The following ENKUR variants were observed in gnomAD, a reference collection of about 807,000 sequenced individuals.
The protein encoded by ENKUR is enkurin.
ENKUR carries 19 observed loss-of-function variants against 27.6 expected under a neutral mutation model. That is an observed-to-expected ratio of 0.69 (90% CI 0.48 to 1.01). The LOEUF (loss-of-function observed/expected upper bound fraction) is 1.01, where lower values mean the gene tolerates loss of function less well. Ranked by LOEUF, ENKUR falls within the 50% of genes least tolerant of loss-of-function variation. ENKUR has a pLI of 0.00. For synonymous variants in ENKUR, 117 were observed against 96.9 expected, an observed-to-expected ratio of 1.21 and a Z score of -1.22; for missense variants, 312 against 310.5, an observed-to-expected ratio of 1.00 and a Z score of -0.04.
At chr10:24,994,225 C>G (rs1307299514) in intron 3 of ENKUR, among the ~76,000 whole-genome samples, 1 of 151,076 alleles carries the variant, frequency 6.6e-6, no homozygotes, top group Non-Finnish European at 1.5e-5. Context: ...TTCTTTATCT[C>G]TCTTCCTTTT....
intron 2 of ENKUR, among the ~76,000 whole-genome samples, chr10:25,039,892 T>G (rs1271449053): frequency 4.0e-5 from 6 of 149,994 alleles, no homozygotes; most frequent in Non-Finnish European, 7.4e-5. Flanking sequence ...GGCACATGTA[T>G]ACATATGTAA....
At chr10:25,023,656 C>A (rs201614269) in intron 2 of ENKUR, 6 of 1,613,966 alleles carry the variant, frequency 3.7e-6, no homozygotes, top group Non-Finnish European at 3.4e-6. Context: ...CATGTGGCAT[C>A]TGAAGAAAAA....
intron 2 of ENKUR, chr10:25,025,314 A>G (rs750821406): frequency 1.2e-6 from 2 of 1,614,254 alleles, no homozygotes; most frequent in Admixed American, 1.7e-5. Context: ...TGCTGGGTTC[A>G]TACAATGCAT....
rs992517351 is a variant in ENKUR, at chr10:24,995,659, T to C, written c.434A>G (p.Tyr145Cys). The change falls in exon 3 of 6, where the codon TAC becomes TGC. Residue 145 changes from tyrosine (Y) to cysteine (C), a missense_variant. Tyr to Cys is a radical substitution (Grantham distance 194). Transcript: ENST00000331161. ...DLEPSGLVPK[Y>C]INKKDYGVTP... ...CCACAAGGCTACCTTTTTATTGATG[T>C]ACTTTGGAACTAGTCCTGAAGGCTC... 1 of 1,610,436 alleles carries C rather than the reference T, an allele frequency of 6.2e-7. No homozygotes were observed.
At position 25,023,742 on chromosome 10, in the gene ENKUR, T is replaced by C. The variant is rs116037906; in HGVS notation, c.38-27873A>G. ...TAAAATTAATGAAGACAGATAGGAT[T>C]GTAGGTCAGAATTCTGGAACATCTA... On this transcript the variant is annotated intron_variant, in intron 2 of 5. Transcript: ENST00000615958. The C allele has an allele frequency of 9.8e-5, 158 of 1,613,952 alleles. No homozygotes were observed. In the African/African-American group the frequency reaches 1.9e-3, roughly 19 times the overall value.
chr10:25,038,513 A>G (rs1202629618), intron 2 of ENKUR, among the ~76,000 whole-genome samples: 2 of 152,222 alleles, frequency 1.3e-5, no homozygotes, highest in African/African-American at 4.8e-5. Flanking sequence ...TATAAAATTG[A>G]TATATGCCCT....
chr10:25,049,136 A>G (rs1177652439), intron 2 of ENKUR, among the ~76,000 whole-genome samples: 1 of 152,186 alleles, frequency 6.6e-6, no homozygotes, highest in African/African-American at 2.4e-5. Flanking sequence ...GAAGATGATA[A>G]CATATCCTTC....
chr10:24,995,627 T>G lies in ENKUR; in HGVS notation c.447+19A>C. On this transcript the variant is annotated intron_variant, in intron 3 of 5. Transcript: ENST00000331161. The stretch of plus-strand genomic sequence containing the variant: ...ATTATTTGAATTTCAGCCCTCTTAT[T>G]AATATACCACAAGGCTACCTTTTTA... 1 of 1,589,416 alleles carries G rather than the reference T, an allele frequency of 6.3e-7. No homozygotes were observed. Among genetic ancestry groups the G allele is most frequent in the East Asian group, 2.2e-5 (1 of 44,674 alleles).
At chr10:25,051,486 G>A (rs895410282) in intron 2 of ENKUR, among the ~76,000 whole-genome samples, 4 of 152,180 alleles carry the variant, frequency 2.6e-5, no homozygotes, top group Non-Finnish European at 5.9e-5. Context: ...GCCTCTGGAA[G>A]CTTATAATCA....
chr10:24,990,153 A>G (rs1299771192), intron 4 of ENKUR, among the ~76,000 whole-genome samples: 3 of 152,220 alleles, frequency 2.0e-5, no homozygotes, highest in Admixed American at 6.5e-5. Context: ...AATGAAAATA[A>G]AAATGCTTTA....
chr10:24,984,701 A>C, intron 5 of ENKUR, 35 bp downstream of exon 5: 1 of 1,549,454 alleles, frequency 6.5e-7, no homozygotes. Context: ...TTTCCCCTAC[A>C]TTGAAATTGT....
At chr10:25,048,271 C>T (rs1200734978) in intron 2 of ENKUR, among the ~76,000 whole-genome samples, 2 of 151,936 alleles carry the variant, frequency 1.3e-5, no homozygotes, top group Non-Finnish European at 2.9e-5. Context: ...AGTGGGAAAA[C>T]AAGAAAACCT....
At chr10:25,010,599 C>A (rs1430998756) in intron 1 of ENKUR, among the ~76,000 whole-genome samples, 1 of 151,330 alleles carries the variant, frequency 6.6e-6, no homozygotes, top group Non-Finnish European at 1.5e-5. Flanking sequence ...CCCCCCTACC[C>A]CCACCCCACA....
intron 1 of ENKUR, among the ~76,000 whole-genome samples, chr10:25,000,639 C>T (rs997626691): frequency 5.3e-5 from 8 of 152,032 alleles, no homozygotes; most frequent in African/African-American, 1.9e-4. Flanking sequence ...TCAAGCATCC[C>T]TTTGATTTGT....
Position 25,027,356 on chromosome 10 carries a change from T to TAAAAAAAAAAAAAAAAAAAAAAAAAAA in ENKUR, c.38-31488_38-31487insTTTTTTTTTTTTTTTTTTTTTTTTTTT, listed in dbSNP as rs1564352066. The stretch of plus-strand genomic sequence containing the variant: ...TGGGTGACAGAGCAAGACTCCCGTC[T>TAAAAAAAAAAAAAAAAAAAAAAAAAAA]CAAAAAAAAAAAAAAAAAAAAAAAA... On this transcript the variant is annotated intron_variant, in intron 2 of 5. Transcript: ENST00000615958. Among the ~76,000 whole-genome samples, 18 of 45,730 alleles carry TAAAAAAAAAAAAAAAAAAAAAAAAAAA rather than the reference T, an allele frequency of 3.9e-4. 3 individuals carry two copies. The highest frequency in any genetic ancestry group is 8.6e-4 in the Admixed American group (3 of 3,470). The allele number at this position is 45,730 out of a possible 152,430, so 30.0% of individuals were successfully genotyped here.
intron 2 of ENKUR, chr10:25,023,522 C>T: frequency 3.7e-6 from 6 of 1,614,026 alleles, no homozygotes; most frequent in Non-Finnish European, 5.1e-6. Flanking sequence ...ATGAGTGTGT[C>T]TGAAAAATTA....
At chr10:25,024,573 T>C in intron 2 of ENKUR, 1 of 1,614,168 alleles carries the variant, frequency 6.2e-7, no homozygotes, top group Non-Finnish European at 8.5e-7. Flanking sequence ...TTTTTAATGA[T>C]TCTGATTTTA....
At chr10:25,025,018 C>A (rs1053883334) in intron 2 of ENKUR, 1 of 1,614,216 alleles carries the variant, frequency 6.2e-7, no homozygotes, top group Admixed American at 1.7e-5. Context: ...AAGTCAGCAT[C>A]ATTTCCAGAT....
chr10:25,025,037 C>G lies in ENKUR; in HGVS notation c.38-29168G>C. On this transcript the variant is annotated intron_variant, in intron 2 of 5. Transcript: ENST00000615958. ...CAGCATCATTTCCAGATAGAAAAGG[C>G]TCTAGTTGAGAAACTTCAGCAGGAT... is the stretch of plus-strand genomic sequence containing the variant. 1 of 1,614,184 alleles carries G rather than the reference C, an allele frequency of 6.2e-7. No individual in the cohort carries two copies. The highest frequency in any genetic ancestry group is 1.3e-5 in the African/African-American group (1 of 75,038).
Sources: gnomAD v4.1 joint callset for allele counts (sites outside exome capture counted in the v4.1 genomes callset) on GRCh38, gnomAD v4.1.1 for gene constraint, MANE v1.5 for transcripts, NCBI Gene and HGNC (gene_info 2026-07-23, HGNC 2026-07-21) for gene names.